Variants in THSD7A observed in about 807,000 individuals in gnomAD.
THSD7A encodes thrombospondin type 1 domain containing 7A.
Under a neutral mutation model 231.3 loss-of-function variants are expected in THSD7A, and 96 were observed. The ratio of observed to expected loss-of-function variants is 0.41; its 90% CI spans 0.35 to 0.49. The LOEUF (loss-of-function observed/expected upper bound fraction) is 0.49. THSD7A is among the 20% of genes least tolerant of loss of function. The probability of loss-of-function intolerance (pLI) is 0.05; values close to 1 mark genes in which losing one functional copy is unlikely to be tolerated. For missense variants in THSD7A, 2,290 were observed against 2,070.2 expected (o/e 1.11, Z -2.06); for synonymous variants, 940 against 743.3 (o/e 1.26, Z -4.30).
chr7:11,667,151 C>G (rs1021476713), intron 1 of THSD7A, among the ~76,000 whole-genome samples: 9 of 152,008 alleles, frequency 5.9e-5, no homozygotes, highest in Non-Finnish European at 1.2e-4. Flanking sequence ...TAATGCCCCC[C>G]TCACCTGAGC....
chr7:11,428,034 G>A (rs1034965250), intron 14 of THSD7A, among the ~76,000 whole-genome samples: 1 of 152,018 alleles, frequency 6.6e-6, no homozygotes, highest in Admixed American at 6.6e-5. Context: ...TCTCTACAAT[G>A]TACTTTTATT....
At chr7:11,782,004 C>T (rs2128174961) in intron 1 of THSD7A, among the ~76,000 whole-genome samples, 1 of 152,088 alleles carries the variant, frequency 6.6e-6, no homozygotes, top group Non-Finnish European at 1.5e-5. Context: ...TAATTGTACC[C>T]CTCCCCCTAA....
intron 1 of THSD7A, among the ~76,000 whole-genome samples, chr7:11,673,923 C>A (rs1214701183): frequency 6.6e-6 from 1 of 152,064 alleles, no homozygotes; most frequent in Non-Finnish European, 1.5e-5. Flanking sequence ...GGCTGAAAAG[C>A]CCAGGCTGGA....
Position 11,372,035 on chromosome 7 carries a change from G to A in THSD7A, c.*3759C>T, listed in dbSNP as rs1368476856. ...GGGGGAGGTAAATAAGTGTGTGAGA[G>A]GTCTATTCAATTTCTGTGAGAAGGA... On this transcript the variant is annotated 3_prime_UTR_variant, in exon 28 of 28. Transcript: ENST00000423059. 1 of 151,800 alleles carries A rather than the reference G, an allele frequency of 6.6e-6. No individual in the cohort carries two copies. The highest frequency in any genetic ancestry group is 2.4e-5 in the African/African-American group (1 of 41,324). The allele number at this position is 151,800 out of a possible 1,614,324, so 9.4% of individuals were successfully genotyped here. A position where few individuals can be genotyped will look rare whatever the true frequency, so the allele number is the denominator to read the frequency against.
intron 1 of THSD7A, among the ~76,000 whole-genome samples, chr7:11,811,530 C>G (rs1308360614): frequency 1.3e-5 from 2 of 152,056 alleles, no homozygotes; most frequent in African/African-American, 2.4e-5. Flanking sequence ...ACTGACAGTC[C>G]TAATTTTCAT....
At chr7:11,647,005 G>T (rs1012192081) in intron 1 of THSD7A, among the ~76,000 whole-genome samples, 3 of 152,020 alleles carry the variant, frequency 2.0e-5, no homozygotes, top group Non-Finnish European at 2.9e-5. Flanking sequence ...GGAGATTTAT[G>T]AAATGCGTCT....
intron 4 of THSD7A, among the ~76,000 whole-genome samples, chr7:11,564,981 T>C (rs983063498): frequency 3.3e-5 from 5 of 152,192 alleles, no homozygotes; most frequent in Admixed American, 2.0e-4. Flanking sequence ...GTTGGGGATA[T>C]GACTCTTCTA....
intron 1 of THSD7A, among the ~76,000 whole-genome samples, chr7:11,771,927 G>C (rs998569159): frequency 1.3e-5 from 2 of 152,066 alleles, no homozygotes; most frequent in African/African-American, 4.8e-5. Context: ...CTCCTACTCT[G>C]GCCGTGTGAT....
intron 9 of THSD7A, among the ~76,000 whole-genome samples, chr7:11,465,415 G>A (rs908297165): frequency 6.6e-5 from 10 of 152,132 alleles, no homozygotes; most frequent in South Asian, 6.2e-4. Context: ...AAAACAGATC[G>A]TACATCTAGC....
intron 4 of THSD7A, among the ~76,000 whole-genome samples, chr7:11,587,670 C>G (rs555878113): frequency 6.6e-6 from 1 of 152,004 alleles, no homozygotes; most frequent in African/African-American, 2.4e-5. Flanking sequence ...GTATTAACTC[C>G]GAGGATAAGA....
chr7:11,539,470 T>G (rs1382854352), intron 6 of THSD7A, among the ~76,000 whole-genome samples: 1 of 152,196 alleles, frequency 6.6e-6, no homozygotes, highest in Non-Finnish European at 1.5e-5. Flanking sequence ...TTCATTCCGT[T>G]TGTGATGTAC....
At chr7:11,447,148 C>T in intron 12 of THSD7A, 82 bp downstream of exon 12, 1 of 1,309,704 alleles carries the variant, frequency 7.6e-7, no homozygotes, top group Non-Finnish European at 1.1e-6. Context: ...TTCAAATACA[C>T]TGTCAGAATT....
intron 1 of THSD7A, among the ~76,000 whole-genome samples, chr7:11,711,306 TC>T (rs1290559890): frequency 6.6e-6 from 1 of 150,856 alleles, no homozygotes; most frequent in Non-Finnish European, 1.5e-5. Flanking sequence ...AAATGTCCTT[TC>T]TTGGGGTCAC....
At chr7:11,771,571 T>C (rs527978596) in intron 1 of THSD7A, among the ~76,000 whole-genome samples, 5 of 152,168 alleles carry the variant, frequency 3.3e-5, no homozygotes, top group African/African-American at 1.2e-4. Context: ...AATTACTTTA[T>C]GCAATTTCAA....
Position 11,831,751 on chromosome 7 carries a change from A to G in THSD7A, c.190+6T>C. On this transcript the variant is annotated splice_donor_region_variant and intron_variant, in intron 1 of 27. Coordinates refer to ENST00000423059, the MANE Select transcript of THSD7A (RefSeq NM_015204.3). This position sits in a 1 kb window ranked among gnomAD's most constrained non-coding sequence, Gnocchi z 5.0. ...GATGGGGAAAGGGTAACTCCGTCCC[A>G]CTTACCAGTCTTCCACAGATAGAGG... 6.9e-7 allele frequency: 1 copy of G among 1,455,346 alleles called. No homozygotes were observed. The highest frequency in any genetic ancestry group is 9.1e-7 in the Non-Finnish European group (1 of 1,100,166). The allele number at this position is 1,455,346 out of a possible 1,614,324, so 90.2% of individuals were successfully genotyped here.
At chr7:11,733,237 T>C (rs1376091523) in intron 1 of THSD7A, among the ~76,000 whole-genome samples, 1 of 151,882 alleles carries the variant, frequency 6.6e-6, no homozygotes, top group Non-Finnish European at 1.5e-5. Context: ...TCATGGACTG[T>C]AAGTGTAAGC....
intron 19 of THSD7A, among the ~76,000 whole-genome samples, chr7:11,408,150 G>T (rs927954838): frequency 6.6e-6 from 1 of 152,102 alleles, no homozygotes; most frequent in Non-Finnish European, 1.5e-5. Flanking sequence ...ATAAGATGAG[G>T]TTTCAAATTC....
chr7:11,657,182 T>A (rs1358647026), intron 1 of THSD7A, among the ~76,000 whole-genome samples: 1 of 151,744 alleles, frequency 6.6e-6, no homozygotes, highest in African/African-American at 2.4e-5. Flanking sequence ...GTGATTCCAG[T>A]CAGAATGGGG....
At chr7:11,628,562 C>T (rs947214435) in intron 2 of THSD7A, among the ~76,000 whole-genome samples, 1 of 152,166 alleles carries the variant, frequency 6.6e-6, no homozygotes, top group Non-Finnish European at 1.5e-5. Context: ...TTCTCTCTCT[C>T]TCTCTGTAGA....
Sources: gnomAD v4.1 joint callset for allele counts (sites outside exome capture counted in the v4.1 genomes callset) on GRCh38, gnomAD v4.1.1 for gene constraint, Gnocchi (gnomAD v3.1) non-coding constraint, MANE v1.5 for transcripts, NCBI Gene and HGNC (gene_info 2026-07-23, HGNC 2026-07-21) for gene names.